The following FHOD3 variants were observed in gnomAD, a reference collection of about 807,000 sequenced individuals.
The protein encoded by FHOD3 is formin homology 2 domain containing 3, also known as FH1/FH2 domain-containing protein 3.
In FHOD3, 90 loss-of-function variants were observed where a neutral mutation model predicts 173.0. That is an observed-to-expected ratio of 0.52 (90% confidence interval 0.44 to 0.62). The LOEUF (loss-of-function observed/expected upper bound fraction) is 0.62, where lower values mean the gene tolerates loss of function less well. Among genes scored for constraint, FHOD3 ranks in the 20% least tolerant of loss-of-function variants. FHOD3 has a pLI of 0.00. For missense variants in FHOD3, 1,945 were observed against 2,034.7 expected (o/e 0.96, Z 0.85); for synonymous variants, 828 against 823.0 (o/e 1.01, Z -0.10).
intron 3 of FHOD3, among the ~76,000 whole-genome samples, chr18:36,432,803 A>C (rs902663962): frequency 3.3e-5 from 5 of 152,210 alleles, no homozygotes; most frequent in Non-Finnish European, 5.9e-5. Context: ...TCTTTATCAT[A>C]TGTTTGGACT....
At chr18:36,335,685 G>T (rs116665087) in intron 1 of FHOD3, among the ~76,000 whole-genome samples, 1,974 of 152,172 alleles carry the variant, frequency 0.013, 31 homozygotes, top group African/African-American at 0.045. Context: ...ATTCCCCATT[G>T]CCCAGCTTTG....
chr18:36,543,672 G>T (rs1388994769), intron 5 of FHOD3, among the ~76,000 whole-genome samples: 1 of 152,138 alleles, frequency 6.6e-6, no homozygotes, highest in Non-Finnish European at 1.5e-5. Context: ...TGAGGTAGAG[G>T]AGCAAGCCCC....
At chr18:36,712,057 G>A (rs1314635831) in intron 18 of FHOD3, among the ~76,000 whole-genome samples, 2 of 152,218 alleles carry the variant, frequency 1.3e-5, no homozygotes, top group East Asian at 1.9e-4. Context: ...GTGAGTCAGC[G>A]CTCTTGCTGG....
intron 16 of FHOD3, among the ~76,000 whole-genome samples, chr18:36,689,814 G>A (rs1375177947): frequency 6.6e-6 from 1 of 152,106 alleles, no homozygotes; most frequent in Non-Finnish European, 1.5e-5. Flanking sequence ...AGAAAAGGTT[G>A]GAACTGGGCT....
At chr18:36,322,001 C>T (rs1897222144) in intron 1 of FHOD3, among the ~76,000 whole-genome samples, 1 of 152,120 alleles carries the variant, frequency 6.6e-6, no homozygotes, top group South Asian at 2.1e-4. Context: ...CTGTAGGACA[C>T]TATCTCTTGG....
rs549989191 is a variant in FHOD3, at chr18:36,401,292, CACA to C, written c.337+28549_337+28551del. 2.2e-4 allele frequency among the ~76,000 whole-genome samples: 34 copies of C among 152,292 alleles called. 1 individual carries two copies. In the South Asian group the frequency reaches 5.6e-3, roughly 25 times the overall value. ...ACTTTCCCCTTCCACCCTATGAGGA[CACA>C]TACACAGTGCTACCTATAAGGAACA... is the stretch of plus-strand genomic sequence containing the variant. On this transcript the variant is annotated intron_variant, in intron 3 of 28. Transcript: ENST00000590592.
chr18:36,779,051 A>G (rs1487788317), intron 28 of FHOD3: 3 of 176,910 alleles, frequency 1.7e-5, no homozygotes, highest in East Asian at 2.9e-4. Context: ...CTCTGGAATC[A>G]CCTTCCCAGC....
At chr18:36,657,628 C>T (rs2036512741) in intron 13 of FHOD3, among the ~76,000 whole-genome samples, 1 of 152,158 alleles carries the variant, frequency 6.6e-6, no homozygotes, top group African/African-American at 2.4e-5. Flanking sequence ...TATGGAAATA[C>T]TAAAGTGGAA....
intron 4 of FHOD3, among the ~76,000 whole-genome samples, chr18:36,503,687 T>G (rs2055153077): frequency 6.6e-6 from 1 of 152,224 alleles, no homozygotes; most frequent in Non-Finnish European, 1.5e-5. Flanking sequence ...GCACTGTGTG[T>G]GTTTGGTCCT....
intron 10 of FHOD3, among the ~76,000 whole-genome samples, chr18:36,635,054 G>A (rs1237909636): frequency 6.6e-6 from 1 of 152,184 alleles, no homozygotes; most frequent in Non-Finnish European, 1.5e-5. Context: ...TACAGCCAGT[G>A]ATTCAGCAGT....
At chr18:36,751,494 A>T (rs768982572) in intron 24 of FHOD3, among the ~76,000 whole-genome samples, 3 of 152,166 alleles carry the variant, frequency 2.0e-5, no homozygotes, top group Non-Finnish European at 2.9e-5. Context: ...CCTGACCAGA[A>T]CTTCCAACAT....
At chr18:36,652,547 C>T in intron 11 of FHOD3, 23 bp from the exon 12 acceptor site, 3 of 1,510,006 alleles carry the variant, frequency 2.0e-6, no homozygotes, top group Admixed American at 2.1e-5. Context: ...TCTTCTTCCT[C>T]CTCCTCCCTG....
At chr18:36,441,284 A>G (rs922240283) in intron 3 of FHOD3, among the ~76,000 whole-genome samples, 12 of 152,170 alleles carry the variant, frequency 7.9e-5, no homozygotes, top group African/African-American at 2.2e-4. Flanking sequence ...TGAGCCAGGC[A>G]TTGTCAGACC....
At chr18:36,550,658 T>C (rs1414431154) in intron 5 of FHOD3, among the ~76,000 whole-genome samples, 1 of 152,142 alleles carries the variant, frequency 6.6e-6, no homozygotes, top group Non-Finnish European at 1.5e-5. Context: ...TTACATATCT[T>C]TCATGTAATT....
chr18:36,469,474 A>G (rs967101074), intron 3 of FHOD3, among the ~76,000 whole-genome samples: 2 of 152,064 alleles, frequency 1.3e-5, no homozygotes, highest in African/African-American at 4.8e-5. Flanking sequence ...GATCCCATGT[A>G]CAGCAGGCTG....
chr18:36,652,989 T>C lies in FHOD3; in HGVS notation c.1646+60T>C, dbSNP rs1893433. On this transcript the variant is annotated intron_variant, in intron 12 of 28. Transcript: ENST00000590592. Reference sequence around the variant, plus strand: ...AACTCGGGGAGGAGAACACAGTGTGTTAACTGCACCCCTTGGCTTGGCTTC... The same window carrying C: ...AACTCGGGGAGGAGAACACAGTGTGCTAACTGCACCCCTTGGCTTGGCTTC... 0.29 allele frequency: 430,193 copies of C among 1,474,958 alleles called. 64,924 individuals are homozygous for C. Among genetic ancestry groups the C allele is most frequent in the Admixed American group, 0.46 (20,846 of 45,466 alleles). The allele number at this position is 1,474,958 out of a possible 1,614,324, so 91.4% of individuals were successfully genotyped here.
chr18:36,526,297 T>C (rs2056510104), intron 5 of FHOD3, among the ~76,000 whole-genome samples: 1 of 152,206 alleles, frequency 6.6e-6, no homozygotes, highest in East Asian at 1.9e-4. Flanking sequence ...CCCCCCTCAA[T>C]TTTGTTTGCA....
At chr18:36,704,941 T>A (rs2039790342) in intron 17 of FHOD3, among the ~76,000 whole-genome samples, 1 of 152,202 alleles carries the variant, frequency 6.6e-6, no homozygotes, top group Non-Finnish European at 1.5e-5. Flanking sequence ...GTGTTTTTAT[T>A]TTCTTTTTCT....
rs772739269 is a variant in FHOD3, at chr18:36,611,957, A to G, written c.819A>G (p.Leu273=). 4.3e-6 allele frequency: 7 copies of G among 1,613,716 alleles called. No homozygotes were observed. In the Admixed American group the frequency reaches 5.0e-5, roughly 12 times the overall value. Residue 273 remains leucine (L), a synonymous_variant, in exon 9 of 29, where the codon TTA becomes TTG. Transcript: ENST00000590592. ...VYAMTLVNKT[L]SGLPDQDTFY... Reference sequence around the variant, plus strand: ...TGGTTCTTCTCTTCTTCCAGACGTTATCAGGACTACCAGACCAAGACACCT... The same window carrying G: ...TGGTTCTTCTCTTCTTCCAGACGTTGTCAGGACTACCAGACCAAGACACCT...
Sources: allele counts gnomAD v4.1 joint callset (sites outside exome capture counted in the v4.1 genomes callset), GRCh38; gene constraint gnomAD v4.1.1; transcripts MANE v1.5; gene names NCBI Gene and HGNC (gene_info 2026-07-23, HGNC 2026-07-21).